Variants in MYBPC3 observed in about 807,000 individuals in gnomAD.
The protein encoded by MYBPC3 is myosin-binding protein C, cardiac-type.
MYBPC3 carries 108 observed loss-of-function variants against 159.3 expected under a neutral mutation model. The observed-to-expected ratio is 0.68, with a 90% CI of 0.58 to 0.80. MYBPC3 has a LOEUF of 0.80. Among genes scored for constraint, MYBPC3 ranks in the 30% least tolerant of loss-of-function variants. The pLI is 0.00. For synonymous variants in MYBPC3, 730 were observed against 702.0 expected, an observed-to-expected ratio of 1.04 and a Z score of -0.63; for missense variants, 1,631 against 1,762.1, an observed-to-expected ratio of 0.93 and a Z score of 1.33.
At chr11:47,348,203 C>G (rs2095896377) in intron 6 of MYBPC3, among the ~76,000 whole-genome samples, 1 of 152,212 alleles carries the variant, frequency 6.6e-6, no homozygotes. Flanking sequence ...GATGATAAAA[C>G]AGAGTCCCAC....
intron 28 of MYBPC3, 79 bp downstream of exon 28, chr11:47,333,843 T>G: frequency 6.5e-7 from 1 of 1,549,280 alleles, no homozygotes; most frequent in Admixed American, 1.9e-5. Flanking sequence ...AGGCCAGCCC[T>G]GAGACATCAG....
chr11:47,337,494 C>T lies in MYBPC3; in HGVS notation c.2499G>A (p.Ala833=), dbSNP rs397515967. 1.1e-5 allele frequency: 17 copies of T among 1,613,918 alleles called. No homozygotes were observed. The highest frequency in any genetic ancestry group is 2.2e-5 in the East Asian group (1 of 44,902). The change falls in exon 25 of 35, where the codon GCG becomes GCA. Residue 833 remains alanine (A), a synonymous_variant. Transcript: ENST00000545968. The part of the protein sequence containing the change: ...FDLIQELSHE[A]RRMIEGVVYE... ...ACACCACGCCCTCGATCATGCGCCG[C>T]GCTTCATGACTCAGCTCCTGAATCA... is the stretch of plus-strand genomic sequence containing the variant.
In MYBPC3 at chr11:47,351,425, C is replaced by T. The variant is rs1595850720; in HGVS notation, c.106G>A (p.Ala36Thr). The change falls in exon 2 of 35, where the codon GCA (alanine) becomes ACA (threonine). Residue 36 changes from alanine (A) to threonine (T), a missense_variant. Coordinates refer to ENST00000545968, the MANE Select transcript of MYBPC3 (RefSeq NM_000256.3). This position sits in a 1 kb window ranked among gnomAD's most constrained non-coding sequence, Gnocchi z 4.2. ...PAVFEAETER[A>T]GVKVRWQRGG... is the part of the protein sequence containing the mutation. ...CGCTGCCAGCGCACCTTCACTCCTG[C>T]CCGCTCTGTCTCGGCCTCGAACACG... The T allele has an allele frequency of 1.2e-6, 2 of 1,610,054 alleles. No homozygotes were observed. The highest frequency in any genetic ancestry group is 1.1e-5 in the South Asian group (1 of 90,586).
At chr11:47,345,519 G>T (rs1005624834) in intron 12 of MYBPC3, among the ~76,000 whole-genome samples, 2 of 152,098 alleles carry the variant, frequency 1.3e-5, no homozygotes, top group African/African-American at 4.8e-5. Flanking sequence ...CCATTCAGTC[G>T]GTGTTTATAG....
In MYBPC3 at chr11:47,351,525, C is replaced by A. The variant is rs1029992942; in HGVS notation, c.26-20G>T. On this transcript the variant is annotated intron_variant, in intron 1 of 34. Coordinates refer to ENST00000545968, the MANE Select transcript of MYBPC3 (RefSeq NM_000256.3). The surrounding 1 kb of genome is among the most constrained non-coding windows in gnomAD (Gnocchi z 4.2). ...CTGAGACTGAAGGGCCAGGTGGAGG[C>A]TACAGCGGCCCCTGGTTGGAGCGTG... The A allele has an allele frequency of 3.2e-6, 5 of 1,562,420 alleles. 1 individual carries two copies. The South Asian group carries it at 3.6e-5, about 11-fold the overall frequency.
rs1222916296 is a variant in MYBPC3 at position 47,342,760 on chromosome 11, G to A, written c.1458-16C>T. On this transcript the variant is annotated splice_polypyrimidine_tract_variant and intron_variant, in intron 16 of 34. Coordinates refer to ENST00000545968, the MANE Select transcript of MYBPC3 (RefSeq NM_000256.3). ...GTCCTTCAGCCTAGCCGGGTGGGTG[G>A]GTGGCAAGTGCTGTGGCCTCTTCTG... The A allele has an allele frequency of 1.9e-6, 3 of 1,613,462 alleles. No homozygotes were observed. The highest frequency in any genetic ancestry group is 1.3e-5 in the African/African-American group (1 of 74,922).
At position 47,351,189 on chromosome 11, in the gene MYBPC3, G is replaced by GCCCCACCCCCCCCCC; in HGVS notation, c.292+49_292+50insGGGGGGGGGGTGGGG. On this transcript the variant is annotated intron_variant, in intron 2 of 34. Coordinates refer to ENST00000545968, the MANE Select transcript of MYBPC3 (RefSeq NM_000256.3). The surrounding 1 kb of genome is among the most constrained non-coding windows in gnomAD (Gnocchi z 4.2). ...TGGATGGATGGAGAGTCGCTGGGCT[G>GCCCCACCCCCCCCCC]CCCCTCCCCCAGCAGCCCAAACCTC... The GCCCCACCCCCCCCCC allele has an allele frequency of 6.9e-7, 1 of 1,449,116 alleles. No individual in the cohort carries two copies. Among genetic ancestry groups the GCCCCACCCCCCCCCC allele is most frequent in the Non-Finnish European group, 9.2e-7 (1 of 1,087,866 alleles). The allele number at this position is 1,449,116 out of a possible 1,614,324, so 89.8% of individuals were successfully genotyped here.
chr11:47,333,424 A>T (rs1482178350), intron 29 of MYBPC3, 91 bp from the exon 30 acceptor site: 2 of 1,498,086 alleles, frequency 1.3e-6, no homozygotes, highest in Non-Finnish European at 1.8e-6. Flanking sequence ...CCTGCCAACC[A>T]GGGCCAGGCC....
chr11:47,341,871 C>T, intron 18 of MYBPC3, 120 bp downstream of exon 18: 5 of 1,342,808 alleles, frequency 3.7e-6, no homozygotes, highest in Non-Finnish European at 4.1e-6. Context: ...TCTGTCCTGT[C>T]TCTGTGCATC....
chr11:47,351,791 C>T lies in MYBPC3; in HGVS notation c.26-286G>A, dbSNP rs1222878841. Among the ~76,000 whole-genome samples, 1 of 152,172 alleles carries T rather than the reference C, an allele frequency of 6.6e-6. No homozygotes were observed. The highest frequency in any genetic ancestry group is 6.5e-5 in the Admixed American group (1 of 15,278). Reference sequence around the variant, plus strand: ...ACTTTTTCTGCATGTGTCCACTTTCCCTGCTTGGAGACACCCGTGATGAAC... The same window carrying T: ...ACTTTTTCTGCATGTGTCCACTTTCTCTGCTTGGAGACACCCGTGATGAAC... On this transcript the variant is annotated intron_variant, in intron 1 of 34. Coordinates refer to ENST00000545968, the MANE Select transcript of MYBPC3 (RefSeq NM_000256.3). This position sits in a 1 kb window ranked among gnomAD's most constrained non-coding sequence, Gnocchi z 4.2.
chr11:47,352,578 C>G (rs368104846), intron 1 of MYBPC3, 45 bp downstream of exon 1: 739 of 1,595,220 alleles, frequency 4.6e-4, no homozygotes, highest in Middle Eastern at 6.7e-4. Context: ...ATTGTAGACA[C>G]CCCCCTGCTC....
chr11:47,346,356 T>G lies in MYBPC3; in HGVS notation c.941A>C (p.Glu314Ala), dbSNP rs1232976006. 6 of 1,593,932 alleles carry G rather than the reference T, an allele frequency of 3.8e-6. No homozygotes were observed. The highest frequency in any genetic ancestry group is 5.1e-6 in the Non-Finnish European group (6 of 1,168,798). ...SFRTPRDSKLEAPAEEDVWEI... is the reference protein window; with the variant it reads ...SFRTPRDSKLAAPAEEDVWEI... ...CCACACGTCCTCCTCTGCTGGTGCC[T>G]CCAGCTTCGAGTCCCTGTGTCCCGC... Residue 314 changes from glutamate to alanine, a missense_variant, in exon 12 of 35, where the codon GAG becomes GCG. By Grantham distance (107) the Glu-to-Ala change is moderately radical (BLOSUM62 -1). Coordinates refer to ENST00000545968, the MANE Select transcript of MYBPC3 (RefSeq NM_000256.3). The surrounding 1 kb of genome is among the most constrained non-coding windows in gnomAD (Gnocchi z 5.3).
chr11:47,352,516 G>A (rs1439031062), intron 1 of MYBPC3, 107 bp downstream of exon 1: 4 of 1,445,520 alleles, frequency 2.8e-6, no homozygotes, highest in African/African-American at 1.5e-5. Context: ...GGGGCTCAGA[G>A]GCCACGTCCT....
chr11:47,349,743 C>T, intron 5 of MYBPC3, 31 bp downstream of exon 5: 1 of 1,595,904 alleles, frequency 6.3e-7, no homozygotes, highest in Non-Finnish European at 8.5e-7. Flanking sequence ...TGTCCCCTCT[C>T]TCCGTGTCTC....
At position 47,339,749 on chromosome 11, in the gene MYBPC3, CTGGT is replaced by C; in HGVS notation, c.1965_1968del (p.Ile655MetfsTer7). 1 of 1,613,948 alleles carries C rather than the reference CTGGT, an allele frequency of 6.2e-7. No individual in the cohort carries two copies. Among genetic ancestry groups the C allele is most frequent in the Non-Finnish European group, 8.5e-7 (1 of 1,179,836 alleles). Reference sequence around the variant, plus strand: ...TTTCCAGCTACAACCACAATGGTGTCTGGTATGCGGCCTGGGCAGTCCAGGTGGA... The same window carrying C: ...TTTCCAGCTACAACCACAATGGTGTCATGCGGCCTGGGCAGTCCAGGTGGA... On this transcript the variant is annotated frameshift_variant, in exon 21 of 35. Coordinates refer to ENST00000545968, the MANE Select transcript of MYBPC3 (RefSeq NM_000256.3). LOFTEE classifies it high-confidence loss of function.
chr11:47,350,147 G>A (rs374177412), intron 3 of MYBPC3, 35 bp from the exon 4 acceptor site: 2 of 1,540,858 alleles, frequency 1.3e-6, no homozygotes, highest in African/African-American at 2.7e-5. Flanking sequence ...TGTTTGAGAT[G>A]GAGTCTTGCT....
At chr11:47,341,843 T>G in intron 18 of MYBPC3, 148 bp downstream of exon 18, 1 of 1,067,892 alleles carries the variant, frequency 9.4e-7, no homozygotes, top group Non-Finnish European at 1.3e-6. Context: ...TCCCTCTCTG[T>G]GGGTCTCTGT....
Position 47,346,665 on chromosome 11 carries a change from G to T in MYBPC3, c.909-21C>A. 6.3e-7 allele frequency: 1 copy of T among 1,596,324 alleles called. No homozygotes were observed. The highest frequency in any genetic ancestry group is 1.3e-5 in the African/African-American group (1 of 74,530). ...AACTGCTGCTCCAGGGGTGGGGGTG[G>T]GAGAAAGGGTAGGTGGCACATGAGA... is the stretch of plus-strand genomic sequence containing the variant. On this transcript the variant is annotated intron_variant, in intron 10 of 34. Transcript: ENST00000545968. The surrounding 1 kb of genome is among the most constrained non-coding windows in gnomAD (Gnocchi z 5.3).
chr11:47,348,911 T>TATATATATATATATATAC (rs1283094496), intron 5 of MYBPC3, among the ~76,000 whole-genome samples: 1 of 113,098 alleles, frequency 8.8e-6, no homozygotes, highest in Non-Finnish European at 1.9e-5. Flanking sequence ...TCTCAAATTA[T>TATATATATATATATATAC]ATATATATAT....
Sources: allele counts gnomAD v4.1 joint callset (sites outside exome capture counted in the v4.1 genomes callset), GRCh38; gene constraint gnomAD v4.1.1; non-coding constraint Gnocchi (gnomAD v3.1); transcripts MANE v1.5; gene names NCBI Gene and HGNC (gene_info 2026-07-23, HGNC 2026-07-21).